ZNF273: variants seen among roughly 807,000 people sequenced by gnomAD.
ZNF273 encodes zinc finger protein 273.
In ZNF273, 11 loss-of-function variants were observed where a neutral mutation model predicts 14.9. The observed-to-expected ratio is 0.74, with a 90% CI of 0.46 to 1.22. ZNF273 has a LOEUF of 1.22. Ranked by LOEUF, ZNF273 falls within the 50% of genes most tolerant of loss-of-function variation. ZNF273 has a pLI of 0.00. For synonymous variants in ZNF273, 199 were observed against 223.9 expected (o/e 0.89, Z 0.99); for missense variants, 577 against 660.6 (o/e 0.87, Z 1.39).
downstream of ZNF273, chr7:64,889,048 G>A (rs566297989): frequency 3.5e-5 from 35 of 985,988 alleles, no homozygotes; most frequent in South Asian, 1.4e-3. The surrounding 1 kb of genome is among the most constrained non-coding windows in gnomAD (Gnocchi z 4.2). Context: ...AGCAGGAAGC[G>A]AAGAACGTTT....
At position 64,887,499 on chromosome 7, in the gene ZNF273, GTTGT is replaced by G. The variant is rs554950237; in HGVS notation, n.274-1063_274-1060del. 2.6e-3 allele frequency among the ~76,000 whole-genome samples: 393 copies of G among 152,264 alleles called. 5 individuals carry two copies. Among genetic ancestry groups the G allele is most frequent in the African/African-American group, 9.1e-3 (380 of 41,554 alleles). On this transcript the variant is annotated intron_variant and non_coding_transcript_variant, in intron 1 of 1. Coordinates refer to the ZNF273 transcript ENST00000471926. ...TGCTCCATTGTGCAGTGTTTTTGTT[GTTGT>G]TTGTTTGTTTTTGAGATGGAGTCTA...
chr7:64,891,800 A>G (rs1792055211), downstream of ZNF273, among the ~76,000 whole-genome samples: 1 of 152,164 alleles, frequency 6.6e-6, no homozygotes, highest in African/African-American at 2.4e-5. Context: ...GGTGTGGGAG[A>G]GGAGGTGCTG....
At chr7:64,913,312 CAGA>C (rs1219855825) in intron 1 of ZNF273, among the ~76,000 whole-genome samples, 11 of 152,146 alleles carry the variant, frequency 7.2e-5, no homozygotes, top group African/African-American at 1.9e-4. Flanking sequence ...GACAGAGAAA[CAGA>C]AGAAGAAGTA....
At chr7:64,914,228 G>A (rs1793789865) in intron 1 of ZNF273, among the ~76,000 whole-genome samples, 1 of 127,866 alleles carries the variant, frequency 7.8e-6, no homozygotes. Context: ...GGGGTTATGG[G>A]GTTTGGCCAT....
chr7:64,880,324 G>T (rs1791211237), downstream of ZNF273: 1 of 152,196 alleles, frequency 6.6e-6, no homozygotes, highest in African/African-American at 2.4e-5. Context: ...CGGAGTGGGG[G>T]TGAGTCTCCT....
chr7:64,880,922 C>T (rs1361959657), downstream of ZNF273, among the ~76,000 whole-genome samples: 1 of 152,186 alleles, frequency 6.6e-6, no homozygotes, highest in Non-Finnish European at 1.5e-5. Context: ...GGCACTCCTC[C>T]ATCGTCTCGG....
intron 3 of ZNF273, among the ~76,000 whole-genome samples, chr7:64,896,621 C>G (rs1245474535): frequency 6.6e-6 from 1 of 151,922 alleles, no homozygotes; most frequent in Non-Finnish European, 1.5e-5. Flanking sequence ...TTTAGAAGAG[C>G]TTTTCAGTGA....
rs754088544 is a variant in ZNF273, at chr7:64,928,468, C to T, written c.1140C>T (p.Gly380=). Residue 380 remains glycine (G), a synonymous_variant, in exon 4 of 4, where the codon GGC becomes GGT. Transcript: ENST00000476120. The part of the protein sequence containing the change: ...GEKPYKCEEC[G]KAFNQSSTLT... ...AACCCTACAAATGTGAAGAATGTGG[C>T]AAAGCTTTTAACCAGTCCTCAACCC... is the stretch of plus-strand genomic sequence containing the variant. The T allele has an allele frequency of 7.5e-6, 12 of 1,610,074 alleles. No individual in the cohort carries two copies. Among genetic ancestry groups the T allele is most frequent in the Middle Eastern group, 3.3e-4 (2 of 6,030 alleles).
At chr7:64,909,999 A>G (rs1221837673) in intron 1 of ZNF273, among the ~76,000 whole-genome samples, 1 of 151,876 alleles carries the variant, frequency 6.6e-6, no homozygotes, top group African/African-American at 2.4e-5. Flanking sequence ...CTTGAAGAAC[A>G]TCTGTTCATG....
intron 3 of ZNF273, 36 bp downstream of exon 3, chr7:64,918,328 C>T (rs781609544): frequency 5.3e-6 from 8 of 1,510,712 alleles, no homozygotes; most frequent in Non-Finnish European, 6.2e-6. Context: ...ACAGATGACA[C>T]AGATGACAGG....
chr7:64,929,917 A>T lies in ZNF273; in HGVS notation c.*879A>T. 7.2e-5 allele frequency: 11 copies of T among 152,538 alleles called. No individual in the cohort carries two copies. The highest frequency in any genetic ancestry group is 1.3e-4 in the Non-Finnish European group (9 of 69,568). 9.4% of individuals were successfully genotyped at this position (152,538 alleles called of 1,614,324 possible). ...GTTTCACTCTTGTTGCCCAGGCTGGAGTGCAATGGCGTGATCTCAGCTCAC... is the reference window on the plus strand; with the variant it reads ...GTTTCACTCTTGTTGCCCAGGCTGGTGTGCAATGGCGTGATCTCAGCTCAC... On this transcript the variant is annotated 3_prime_UTR_variant, in exon 4 of 4. Coordinates refer to ENST00000476120, the MANE Select transcript of ZNF273 (RefSeq NM_021148.3).
intron 3 of ZNF273, among the ~76,000 whole-genome samples, chr7:64,895,117 G>A (rs1412167515): frequency 6.6e-6 from 1 of 152,002 alleles, no homozygotes; most frequent in Non-Finnish European, 1.5e-5. Flanking sequence ...AGCCTGGGTG[G>A]CAGAGCGAGA....
At chr7:64,906,939 G>A (rs1376558368) in intron 1 of ZNF273, among the ~76,000 whole-genome samples, 1 of 152,196 alleles carries the variant, frequency 6.6e-6, no homozygotes, top group Non-Finnish European at 1.5e-5. Flanking sequence ...TTAGAAAGAA[G>A]GTGGGAGGGG....
chr7:64,901,674 CTT>C, upstream of ZNF273, among the ~76,000 whole-genome samples: 1 of 152,296 alleles, frequency 6.6e-6, no homozygotes, highest in African/African-American at 2.4e-5. Flanking sequence ...TGATGTGTCT[CTT>C]TCTCTTAAAA....
chr7:64,920,697 A>G lies in ZNF273; in HGVS notation c.325+2405A>G, dbSNP rs1794374796. On this transcript the variant is annotated intron_variant, in intron 3 of 3. Transcript: ENST00000476120. ...TGAGGGCCTGCCTCCTGGAAAGAAC[A>G]CCCCTCAATCTTGAGCTTTAGCAGA... 2.0e-5 allele frequency among the ~76,000 whole-genome samples: 3 copies of G among 148,906 alleles called. No individual in the cohort carries two copies. The South Asian group carries it at 6.4e-4, about 32-fold the overall frequency.
intron 1 of ZNF273, among the ~76,000 whole-genome samples, 183 bp from the exon 2 acceptor site, chr7:64,917,398 T>C (rs1397578730): frequency 2.0e-5 from 3 of 152,244 alleles, no homozygotes; most frequent in Non-Finnish European, 4.4e-5. Context: ...GCTACTCTTT[T>C]CTCAGAGTTA....
At chr7:64,935,552 T>G (rs4717227), downstream of ZNF273, among the ~76,000 whole-genome samples, 47,533 of 151,838 alleles carry the variant, frequency 0.31, 8,439 homozygotes, top group Non-Finnish European at 0.38. Context: ...AAACAGAGTC[T>G]CACTCTGTCA....
At chr7:64,897,111 G>A (rs1469838836) in intron 3 of ZNF273, among the ~76,000 whole-genome samples, 1 of 152,146 alleles carries the variant, frequency 6.6e-6, no homozygotes, top group Non-Finnish European at 1.5e-5. Flanking sequence ...GGAGATGTGG[G>A]TCAAAAGTAA....
rs1794907241 is a variant in ZNF273 at position 64,928,997 on chromosome 7, T to A, written c.1669T>A (p.Phe557Ile). The A allele has an allele frequency of 6.4e-7, 1 of 1,571,068 alleles. No homozygotes were observed. The highest frequency in any genetic ancestry group is 1.2e-5 in the South Asian group (1 of 82,694). ...CDSAFDNTPN[F>I]SRHKRNHMGE... ...CAGTGCTTTTGACAACACCCCAAAC[T>A]TTTCTAGACATAAAAGAAATCATAT... Residue 557 changes from phenylalanine (F) to isoleucine (I), a missense_variant, in exon 4 of 4, where the codon TTT becomes ATT. Transcript: ENST00000476120.
Sources: gnomAD v4.1 joint callset for allele counts (sites outside exome capture counted in the v4.1 genomes callset) on GRCh38, gnomAD v4.1.1 for gene constraint, Gnocchi (gnomAD v3.1) non-coding constraint, MANE v1.5 for transcripts, NCBI Gene and HGNC (gene_info 2026-07-23, HGNC 2026-07-21) for gene names.